Variants in SFMBT2 observed in about 807,000 individuals in gnomAD.
The protein encoded by SFMBT2 is scm-like with four MBT domains protein 2.
Under a neutral mutation model 110.1 loss-of-function variants are expected in SFMBT2, and 38 were observed. The ratio of observed to expected loss-of-function variants is 0.35; its 90% confidence interval spans 0.27 to 0.45. SFMBT2 has a LOEUF of 0.45. SFMBT2 is among the 20% of genes least tolerant of loss of function. SFMBT2 has a pLI of 1.00. For synonymous variants in SFMBT2, 425 were observed against 425.4 expected (o/e 1.00, Z 0.01); for missense variants, 1,011 against 1,094.9 (o/e 0.92, Z 1.08).
At chr10:7,200,700 C>T (rs1838925976) in intron 13 of SFMBT2, among the ~76,000 whole-genome samples, 1 of 152,190 alleles carries the variant, frequency 6.6e-6, no homozygotes, top group African/African-American at 2.4e-5. Context: ...CCCAAGAAAG[C>T]CTGAGACACC....
rs1837824617 is a variant in SFMBT2, at chr10:7,170,022, G to A, written c.2544+906C>T. Reference sequence around the variant, plus strand: ...ATTCAGTACGACACACCAGCCAGCGGGCTTCTGCTCTGGGCAGGCCAGGTG... The same window carrying A: ...ATTCAGTACGACACACCAGCCAGCGAGCTTCTGCTCTGGGCAGGCCAGGTG... On this transcript the variant is annotated intron_variant, in intron 20 of 20. Coordinates refer to ENST00000397167, the MANE Select transcript of SFMBT2 (RefSeq NM_001387889.1). The surrounding 1 kb of genome is among the most constrained non-coding windows in gnomAD (Gnocchi z 4.6). Among the ~76,000 whole-genome samples the A allele has an allele frequency of 6.6e-6, 1 of 152,152 alleles. No homozygotes were observed. Among genetic ancestry groups the A allele is most frequent in the East Asian group, 1.9e-4 (1 of 5,194 alleles).
In SFMBT2 at chr10:7,327,524, T is replaced by C. The variant is rs185260652; in HGVS notation, c.436+40125A>G. On this transcript the variant is annotated intron_variant, in intron 4 of 20. Coordinates refer to ENST00000397167, the MANE Select transcript of SFMBT2 (RefSeq NM_001387889.1). ...GGTGAAACTCTGTCTCTACTAAAAA[T>C]ACAAAAATTAGCTGGGTGTGGTAGC... Among the ~76,000 whole-genome samples, 1,121 of 152,026 alleles carry C rather than the reference T, an allele frequency of 7.4e-3. 20 individuals are homozygous for C. The highest frequency in any genetic ancestry group is 0.025 in the African/African-American group (1,047 of 41,442).
At chr10:7,202,288 T>C (rs1055072168) in intron 13 of SFMBT2, 192 bp downstream of exon 13, 24 of 290,294 alleles carry the variant, frequency 8.3e-5, no homozygotes, top group Non-Finnish European at 1.1e-4. Flanking sequence ...TGCGAGTGCC[T>C]TGGGGAGCAG....
chr10:7,384,040 A>T (rs1392360955), intron 1 of SFMBT2, among the ~76,000 whole-genome samples: 1 of 151,752 alleles, frequency 6.6e-6, no homozygotes, highest in Non-Finnish European at 1.5e-5. Context: ...GTGAAAGCCC[A>T]TCTCTACTAA....
intron 4 of SFMBT2, chr10:7,348,298 G>T: frequency 6.5e-7 from 1 of 1,529,662 alleles, no homozygotes; most frequent in Non-Finnish European, 8.8e-7. Flanking sequence ...TAAGAAATAT[G>T]TTGAACAGAA....
intron 11 of SFMBT2, among the ~76,000 whole-genome samples, chr10:7,213,061 C>T (rs894011136): frequency 2.6e-5 from 4 of 151,718 alleles, no homozygotes; most frequent in Non-Finnish European, 4.4e-5. Context: ...AGGGGAGCAT[C>T]ACACACTGGG....
chr10:7,194,298 A>T lies in SFMBT2; in HGVS notation c.1698+3250T>A, dbSNP rs572461815. ...GTCCTGCCAAACCCCACTCAACTCT[A>T]ACACCCATCAAGTGAGTAGAGCCAT... On this transcript the variant is annotated intron_variant, in intron 15 of 20. Coordinates refer to ENST00000397167, the MANE Select transcript of SFMBT2 (RefSeq NM_001387889.1). 1.7e-3 allele frequency among the ~76,000 whole-genome samples: 257 copies of T among 152,244 alleles called. 1 individual carries two copies. The highest frequency in any genetic ancestry group is 3.3e-3 in the Admixed American group (50 of 15,286).
chr10:7,309,708 A>G (rs915902816), intron 4 of SFMBT2, among the ~76,000 whole-genome samples: 2 of 152,220 alleles, frequency 1.3e-5, no homozygotes, highest in South Asian at 2.1e-4. Flanking sequence ...AAGGGAACAT[A>G]TATGCTCGCC....
At chr10:7,393,959 G>C (rs1470028311) in intron 1 of SFMBT2, among the ~76,000 whole-genome samples, 1 of 152,090 alleles carries the variant, frequency 6.6e-6, no homozygotes, top group East Asian at 1.9e-4. Context: ...CTGATACACA[G>C]CCAATCCCAA....
chr10:7,378,151 G>C (rs1255808043), intron 2 of SFMBT2, among the ~76,000 whole-genome samples: 1 of 139,694 alleles, frequency 7.2e-6, no homozygotes, highest in Non-Finnish European at 1.6e-5. Context: ...TGTATGGATG[G>C]GTGGATGGAT....
At chr10:7,316,776 C>G (rs1318895707) in intron 4 of SFMBT2, among the ~76,000 whole-genome samples, 1 of 152,132 alleles carries the variant, frequency 6.6e-6, no homozygotes, top group African/African-American at 2.4e-5. Context: ...TCTCCAGGAT[C>G]AACTCCTCTG....
intron 8 of SFMBT2, among the ~76,000 whole-genome samples, chr10:7,247,866 T>C (rs769081213): frequency 3.5e-4 from 54 of 152,180 alleles, no homozygotes; most frequent in Admixed American, 1.3e-3. Context: ...ATGGATATTA[T>C]ACTGGTTTTT....
intron 7 of SFMBT2, chr10:7,249,361 C>G (rs113506002): frequency 0.016 from 4,128 of 258,588 alleles, 53 homozygotes; most frequent in Middle Eastern, 0.047. Context: ...ATTTCAATAT[C>G]CACTTCAGCT....
rs910168204 is a variant in SFMBT2 at position 7,410,944 on chromosome 10, T to C, written c.-135A>G. Among the ~76,000 whole-genome samples, 5 of 150,922 alleles carry C rather than the reference T, an allele frequency of 3.3e-5. No individual in the cohort carries two copies. The highest frequency in any genetic ancestry group is 3.3e-4 in the Admixed American group (5 of 15,212). ...GCACCGGCCTCGCTCGCTTGCTCGC[T>C]CGCCCGCCCTTGCCCGCTCGCTCCC... On this transcript the variant is annotated 5_prime_UTR_variant, in exon 1 of 21. Coordinates refer to ENST00000397167, the MANE Select transcript of SFMBT2 (RefSeq NM_001387889.1).
chr10:7,252,456 C>T (rs1840842098), intron 7 of SFMBT2, among the ~76,000 whole-genome samples: 1 of 152,180 alleles, frequency 6.6e-6, no homozygotes, highest in African/African-American at 2.4e-5. Context: ...GGGATCACTT[C>T]CACTTCCTGC....
chr10:7,356,656 TC>T (rs1423880357), intron 4 of SFMBT2, among the ~76,000 whole-genome samples: 7 of 152,200 alleles, frequency 4.6e-5, no homozygotes, highest in Non-Finnish European at 8.8e-5. Context: ...CAAGTGATCC[TC>T]CCTCCTTGGC....
At chr10:7,313,708 T>A (rs1402018346) in intron 4 of SFMBT2, among the ~76,000 whole-genome samples, 2 of 152,182 alleles carry the variant, frequency 1.3e-5, no homozygotes, top group African/African-American at 4.8e-5. Flanking sequence ...GGTCTTGAAC[T>A]CCTTGGCTTG....
chr10:7,319,838 AAGACAGAG>A (rs1400365051), intron 4 of SFMBT2, among the ~76,000 whole-genome samples: 1 of 132,424 alleles, frequency 7.6e-6, no homozygotes, highest in African/African-American at 2.9e-5. Context: ...GACAGAGAGG[AAGACAGAG>A]AGACAGAGAG....
intron 15 of SFMBT2, among the ~76,000 whole-genome samples, chr10:7,192,813 GC>G (rs1313467611): frequency 6.6e-6 from 1 of 152,124 alleles, no homozygotes; most frequent in Non-Finnish European, 1.5e-5. Flanking sequence ...CTGACTCAGG[GC>G]CGGGGGTCCG....
Sources: allele counts gnomAD v4.1 joint callset (sites outside exome capture counted in the v4.1 genomes callset), GRCh38; gene constraint gnomAD v4.1.1; non-coding constraint Gnocchi (gnomAD v3.1); transcripts MANE v1.5; gene names NCBI Gene and HGNC (gene_info 2026-07-23, HGNC 2026-07-21).